The following DSCAM variants were observed in gnomAD, a reference collection of about 807,000 sequenced individuals.
The protein encoded by DSCAM is cell adhesion molecule DSCAM.
In DSCAM, 47 loss-of-function variants were observed where a neutral mutation model predicts 217.7. The observed-to-expected ratio is 0.22, with a 90% confidence interval of 0.17 to 0.28. DSCAM has a LOEUF of 0.28. Among genes scored for constraint, DSCAM ranks in the 10% least tolerant of loss-of-function variants. The pLI is 1.00. For missense variants in DSCAM, 2,080 were observed against 2,618.3 expected, an observed-to-expected ratio of 0.79 and a Z score of 4.49; for synonymous variants, 1,056 against 1,015.3, an observed-to-expected ratio of 1.04 and a Z score of -0.76.
At chr21:40,458,160 A>G (rs2075778367) in intron 3 of DSCAM, among the ~76,000 whole-genome samples, 5 of 152,216 alleles carry the variant, frequency 3.3e-5, no homozygotes. Context: ...ACATAGTTAT[A>G]TCTATTTGTA....
At chr21:40,797,379 C>T (rs1290787202) in intron 1 of DSCAM, among the ~76,000 whole-genome samples, 1 of 152,078 alleles carries the variant, frequency 6.6e-6, no homozygotes, top group Non-Finnish European at 1.5e-5. Context: ...TAGCAGTGAA[C>T]CAGAACATCC....
At chr21:40,595,455 G>A (rs945218239) in intron 3 of DSCAM, among the ~76,000 whole-genome samples, 2 of 152,084 alleles carry the variant, frequency 1.3e-5, no homozygotes, top group African/African-American at 4.8e-5. Flanking sequence ...GAAAAGAAAA[G>A]AGAAATTGCT....
intron 3 of DSCAM, among the ~76,000 whole-genome samples, chr21:40,460,124 T>C (rs2075794494): frequency 6.6e-6 from 1 of 152,098 alleles, no homozygotes; most frequent in Admixed American, 6.5e-5. Context: ...CTGGGGACTG[T>C]TGGTGGCATT....
At chr21:40,798,914 A>T (rs5006701) in intron 1 of DSCAM, among the ~76,000 whole-genome samples, 73,059 of 151,912 alleles carry the variant, frequency 0.48, 19,465 homozygotes, top group South Asian at 0.67. Context: ...TAGATAAACA[A>T]ATTTACCATA....
chr21:40,556,382 A>G (rs974021711), intron 3 of DSCAM, among the ~76,000 whole-genome samples: 3 of 152,240 alleles, frequency 2.0e-5, no homozygotes, highest in Non-Finnish European at 2.9e-5. Flanking sequence ...GTGTTCTTAC[A>G]ATAAAGCAAG....
At chr21:40,534,706 G>T (rs997549149) in intron 3 of DSCAM, among the ~76,000 whole-genome samples, 1 of 152,186 alleles carries the variant, frequency 6.6e-6, no homozygotes, top group Non-Finnish European at 1.5e-5. Context: ...CAATGATATA[G>T]AGTGATATAT....
chr21:40,510,513 G>A (rs1333315096), intron 3 of DSCAM, among the ~76,000 whole-genome samples: 2 of 152,200 alleles, frequency 1.3e-5, no homozygotes, highest in African/African-American at 2.4e-5. Flanking sequence ...ATTGACAAAG[G>A]TTTATTGAAA....
At chr21:40,549,400 A>C (rs181933560) in intron 3 of DSCAM, among the ~76,000 whole-genome samples, 1 of 152,152 alleles carries the variant, frequency 6.6e-6, no homozygotes, top group African/African-American at 2.4e-5. Flanking sequence ...GATAAAAAAA[A>C]ACAACAATGC....
chr21:40,148,644 T>A (rs1369964329), intron 16 of DSCAM, among the ~76,000 whole-genome samples: 7 of 151,966 alleles, frequency 4.6e-5, no homozygotes, highest in Non-Finnish European at 1.0e-4. Context: ...GCTTACCACC[T>A]CTGCAGGTCA....
intron 3 of DSCAM, among the ~76,000 whole-genome samples, chr21:40,423,288 T>C (rs1268152526): frequency 6.6e-6 from 1 of 152,226 alleles, no homozygotes; most frequent in East Asian, 1.9e-4. Context: ...ATTGTATTAA[T>C]GTAGGTAGGT....
intron 15 of DSCAM, among the ~76,000 whole-genome samples, chr21:40,175,050 T>G (rs1048226021): frequency 1.3e-5 from 2 of 152,210 alleles, no homozygotes; most frequent in South Asian, 4.1e-4. Context: ...CTTAGTCTTT[T>G]GGGGCTGCTA....
chr21:40,053,577 G>A (rs1329833926), intron 29 of DSCAM, among the ~76,000 whole-genome samples: 2 of 152,312 alleles, frequency 1.3e-5, no homozygotes, highest in South Asian at 4.1e-4. Flanking sequence ...ATTCTAGCTG[G>A]AAATTAATGT....
intron 3 of DSCAM, among the ~76,000 whole-genome samples, chr21:40,421,522 A>C (rs915263473): frequency 3.3e-5 from 5 of 152,194 alleles, no homozygotes; most frequent in African/African-American, 1.2e-4. Flanking sequence ...AAAAATTTGG[A>C]TATCAAATAC....
chr21:40,156,428 AC>A (rs1342115801), intron 16 of DSCAM, among the ~76,000 whole-genome samples: 1 of 151,996 alleles, frequency 6.6e-6, no homozygotes, highest in Non-Finnish European at 1.5e-5. Context: ...GTTCAGAAGA[AC>A]CAGAGAAGAT....
intron 3 of DSCAM, among the ~76,000 whole-genome samples, chr21:40,439,342 A>G (rs1398020711): frequency 6.6e-6 from 1 of 152,234 alleles, no homozygotes; most frequent in Admixed American, 6.5e-5. Context: ...TCCAGTGCAG[A>G]TCAGGCCTGG....
intron 11 of DSCAM, among the ~76,000 whole-genome samples, chr21:40,198,697 C>T (rs2091040335): frequency 6.6e-6 from 1 of 152,200 alleles, no homozygotes; most frequent in African/African-American, 2.4e-5. Context: ...GAAAGGGGAG[C>T]CTGGGGCTCC....
chr21:40,828,630 C>T (rs1338507747), intron 1 of DSCAM, among the ~76,000 whole-genome samples: 2 of 151,344 alleles, frequency 1.3e-5, no homozygotes, highest in African/African-American at 4.9e-5. Flanking sequence ...TCACATCCTC[C>T]CTCAGGAACC....
Position 40,250,620 on chromosome 21 carries a change from G to A in DSCAM, c.2356+25477C>T, listed in dbSNP as rs115115174. Among the ~76,000 whole-genome samples the A allele has an allele frequency of 3.0e-3, 454 of 152,248 alleles. 3 individuals are homozygous for A. Among genetic ancestry groups the A allele is most frequent in the African/African-American group, 0.01 (433 of 41,532 alleles). On this transcript the variant is annotated intron_variant, in intron 11 of 32. Coordinates refer to ENST00000400454, the MANE Select transcript of DSCAM (RefSeq NM_001389.5). The stretch of plus-strand genomic sequence containing the variant: ...TTCACTGTTGCCTCCTTTCATCCCC[G>A]TCACTAATCTGTGAAAAGGCAGCCC...
chr21:40,037,037 A>T (rs1239956606), intron 32 of DSCAM, among the ~76,000 whole-genome samples: 1 of 150,342 alleles, frequency 6.7e-6, no homozygotes, highest in Admixed American at 6.6e-5. Flanking sequence ...AGAGCTATCT[A>T]TGACAAACCC....
Sources: allele counts gnomAD v4.1 joint callset (sites outside exome capture counted in the v4.1 genomes callset), GRCh38; gene constraint gnomAD v4.1.1; transcripts MANE v1.5; gene names NCBI Gene and HGNC (gene_info 2026-07-23, HGNC 2026-07-21).